The following TRPC7 variants were observed in gnomAD, a reference collection of about 807,000 sequenced individuals.
TRPC7 encodes the protein short transient receptor potential channel 7.
A neutral mutation model predicts 90.1 loss-of-function variants in TRPC7; 42 were observed. That is an observed-to-expected ratio of 0.47 (90% CI 0.36 to 0.60). The LOEUF is 0.60. TRPC7 is among the 20% of genes least tolerant of loss of function. The probability of loss-of-function intolerance (pLI) is 0.00; values close to 1 mark genes in which losing one functional copy is unlikely to be tolerated. For missense variants in TRPC7, 955 were observed against 1,112.3 expected (o/e 0.86, Z 2.01); for synonymous variants, 451 against 436.3 (o/e 1.03, Z -0.42).
At chr5:136,315,802 G>T (rs1337345737) in intron 2 of TRPC7, 23 bp from the exon 3 acceptor site, 1 of 1,606,698 alleles carries the variant, frequency 6.2e-7, no homozygotes, top group East Asian at 2.2e-5. Flanking sequence ...AGAGAAATCA[G>T]CGGTATGTCA....
intron 8 of TRPC7, among the ~76,000 whole-genome samples, chr5:136,227,302 C>T (rs1204010116): frequency 1.3e-5 from 2 of 152,150 alleles, no homozygotes; most frequent in African/African-American, 4.8e-5. Context: ...TGGACCTGGG[C>T]TCAAAACCCC....
At chr5:136,243,608 G>C (rs902968748) in intron 7 of TRPC7, among the ~76,000 whole-genome samples, 6 of 151,940 alleles carry the variant, frequency 3.9e-5, no homozygotes, top group African/African-American at 1.5e-4. Context: ...CATCAGCATG[G>C]CTGGCACTCA....
At chr5:136,214,364 C>T (rs936037521) in intron 11 of TRPC7, 1 of 152,240 alleles carries the variant, frequency 6.6e-6, no homozygotes, top group Admixed American at 6.5e-5. Flanking sequence ...ACTGTAGATA[C>T]TGCACTTGGC....
intron 3 of TRPC7, among the ~76,000 whole-genome samples, chr5:136,305,201 A>T (rs1404357375): frequency 2.0e-5 from 3 of 152,000 alleles, no homozygotes; most frequent in Non-Finnish European, 4.4e-5. Context: ...CCTGACCCCC[A>T]TGACTGTATC....
At chr5:136,251,253 G>A (rs1398773335) in intron 6 of TRPC7, among the ~76,000 whole-genome samples, 1 of 152,136 alleles carries the variant, frequency 6.6e-6, no homozygotes, top group South Asian at 2.1e-4. Context: ...ACAAAACACA[G>A]GGATCCAATA....
intron 3 of TRPC7, among the ~76,000 whole-genome samples, chr5:136,303,160 C>A (rs1445047283): frequency 6.6e-6 from 1 of 152,128 alleles, no homozygotes; most frequent in Admixed American, 6.5e-5. Context: ...GTTAATGCTC[C>A]TTTTTCTTTA....
intron 2 of TRPC7, among the ~76,000 whole-genome samples, chr5:136,349,330 G>A (rs1018472666): frequency 1.3e-5 from 2 of 152,114 alleles, no homozygotes; most frequent in African/African-American, 4.8e-5. Flanking sequence ...AATCTGCTAT[G>A]GGAATGGGAA....
chr5:136,335,350 T>C (rs1759620346), intron 2 of TRPC7, among the ~76,000 whole-genome samples: 1 of 151,968 alleles, frequency 6.6e-6, no homozygotes, highest in African/African-American at 2.4e-5. Flanking sequence ...GCTTGCTGTT[T>C]TAGGAAATGG....
chr5:136,231,017 A>C (rs1425394706), intron 8 of TRPC7, among the ~76,000 whole-genome samples: 1 of 152,184 alleles, frequency 6.6e-6, no homozygotes, highest in Non-Finnish European at 1.5e-5. Context: ...ATAACACGTG[A>C]GAGGCGAAAG....
chr5:136,244,114 ATCTCTC>A (rs923323445), intron 7 of TRPC7, among the ~76,000 whole-genome samples: 1 of 147,498 alleles, frequency 6.8e-6, no homozygotes, highest in Non-Finnish European at 1.5e-5. Context: ...TAAAGTCATA[ATCTCTC>A]TCTCTCTCTC....
At chr5:136,274,641 C>G (rs376310456) in intron 4 of TRPC7, 32 bp downstream of exon 4, 4 of 1,550,170 alleles carry the variant, frequency 2.6e-6, no homozygotes, top group Non-Finnish European at 2.6e-6. Context: ...AAGAAATAAC[C>G]GCAAACGACA....
rs573007938 is a variant in TRPC7 at position 136,256,967 on chromosome 5, T to G, written c.1346-5085A>C. 2.6e-5 allele frequency among the ~76,000 whole-genome samples: 4 copies of G among 152,240 alleles called. No individual in the cohort carries two copies. In the East Asian group the frequency reaches 7.7e-4, roughly 29 times the overall value. ...TGGGGGTCCAGATGCTGAAAAAGCC[T>G]GGTGTCATAGATGATGCTGGGAGTA... On this transcript the variant is annotated intron_variant, in intron 5 of 11. Coordinates refer to ENST00000513104, the MANE Select transcript of TRPC7 (RefSeq NM_020389.3).
rs145893340 is a variant in TRPC7 at position 136,253,310 on chromosome 5, TATTTAA to T, written c.1346-1434_1346-1429del. Reference sequence around the variant, plus strand: ...CATTTACTGATTACTAAATTATTACTATTTAAATTATTTTAAATTACCGGCATACCT... The same window carrying T: ...CATTTACTGATTACTAAATTATTACTATTATTTTAAATTACCGGCATACCT... On this transcript the variant is annotated intron_variant, in intron 5 of 11. Coordinates refer to ENST00000513104, the MANE Select transcript of TRPC7 (RefSeq NM_020389.3). Among the ~76,000 whole-genome samples the T allele has an allele frequency of 5.4e-3, 818 of 152,330 alleles. 7 individuals are homozygous for T. Among genetic ancestry groups the T allele is most frequent in the African/African-American group, 0.012 (495 of 41,564 alleles).
chr5:136,229,893 A>G (rs1233462692), intron 8 of TRPC7, among the ~76,000 whole-genome samples: 1 of 152,222 alleles, frequency 6.6e-6, no homozygotes, highest in Non-Finnish European at 1.5e-5. Flanking sequence ...ACGCCCGGTC[A>G]AAAGCCCTGT....
At chr5:136,324,434 G>A (rs1759284879) in intron 2 of TRPC7, among the ~76,000 whole-genome samples, 1 of 152,140 alleles carries the variant, frequency 6.6e-6, no homozygotes, top group African/African-American at 2.4e-5. Flanking sequence ...AATTCAGTAA[G>A]CAGTTTTGTA....
At chr5:136,299,381 TGGA>T (rs1251928689) in intron 3 of TRPC7, among the ~76,000 whole-genome samples, 4 of 100,632 alleles carry the variant, frequency 4.0e-5, no homozygotes, top group African/African-American at 1.6e-4. Context: ...GTGTGTGTGG[TGGA>T]GGAGGAGGAG....
intron 4 of TRPC7, among the ~76,000 whole-genome samples, chr5:136,273,104 C>T (rs917400595): frequency 1.3e-5 from 2 of 152,140 alleles, no homozygotes; most frequent in Non-Finnish European, 2.9e-5. Flanking sequence ...GGATTGGCAG[C>T]GCTTTCTCCA....
chr5:136,270,126 A>T (rs1482332964), intron 4 of TRPC7, among the ~76,000 whole-genome samples: 1 of 152,178 alleles, frequency 6.6e-6, no homozygotes, highest in East Asian at 1.9e-4. Context: ...TGTTTATGTT[A>T]GGCGTTGAAG....
intron 2 of TRPC7, among the ~76,000 whole-genome samples, chr5:136,346,188 C>A (rs1759997047): frequency 6.6e-6 from 1 of 151,926 alleles, no homozygotes; most frequent in Admixed American, 6.6e-5. Context: ...ATGTAACAAA[C>A]CTGCACATTG....
Sources: allele counts gnomAD v4.1 joint callset (sites outside exome capture counted in the v4.1 genomes callset), GRCh38; gene constraint gnomAD v4.1.1; transcripts MANE v1.5; gene names NCBI Gene and HGNC (gene_info 2026-07-23, HGNC 2026-07-21).